Variants in RBFOX3 observed in about 807,000 individuals in gnomAD.
RBFOX3 encodes the protein RNA binding fox-1 homolog 3.
In RBFOX3, 17 loss-of-function variants were observed where a neutral mutation model predicts 48.7. The observed-to-expected ratio is 0.35, with a 90% confidence interval of 0.24 to 0.52. RBFOX3 has a LOEUF of 0.52. Ranked by LOEUF, RBFOX3 falls within the 20% of genes least tolerant of loss-of-function variation. The pLI is 0.94. For synonymous variants in RBFOX3, 212 were observed against 209.5 expected (o/e 1.01, Z -0.10); for missense variants, 382 against 497.5 (o/e 0.77, Z 2.21).
intron 1 of RBFOX3, among the ~76,000 whole-genome samples, chr17:79,540,960 G>A (rs2089607169): frequency 6.6e-6 from 1 of 152,094 alleles, no homozygotes; most frequent in Non-Finnish European, 1.5e-5. Context: ...AGGCCTGGGG[G>A]GATCTGCAGG....
intron 1 of RBFOX3, among the ~76,000 whole-genome samples, chr17:79,548,650 C>T (rs1429776754): frequency 6.6e-6 from 1 of 152,220 alleles, no homozygotes; most frequent in Non-Finnish European, 1.5e-5. Context: ...AGGGGACATT[C>T]CAGCCTGTCC....
intron 2 of RBFOX3, among the ~76,000 whole-genome samples, chr17:79,340,382 C>T (rs550917165): frequency 1.3e-5 from 2 of 152,262 alleles, no homozygotes; most frequent in African/African-American, 4.8e-5. Context: ...CAGCTGCCTT[C>T]CGCAAGCCCC....
At chr17:79,356,372 T>TTTTTTTTTTTTG (rs2085093091) in intron 2 of RBFOX3, among the ~76,000 whole-genome samples, 1 of 73,940 alleles carries the variant, frequency 1.4e-5, no homozygotes. Context: ...TTTTTTTTTT[T>TTTTTTTTTTTTG]TTTTTTTTTT....
At chr17:79,452,560 T>C (rs1163592323) in intron 2 of RBFOX3, among the ~76,000 whole-genome samples, 1 of 151,952 alleles carries the variant, frequency 6.6e-6, no homozygotes, top group Non-Finnish European at 1.5e-5. Flanking sequence ...AATGGGTCAT[T>C]AAAGATCACC....
chr17:79,388,086 A>C (rs1428255215), intron 2 of RBFOX3, among the ~76,000 whole-genome samples: 1 of 151,682 alleles, frequency 6.6e-6, no homozygotes, highest in Non-Finnish European at 1.5e-5. Flanking sequence ...CTACGTGTGC[A>C]TGTGTGTGCA....
intron 1 of RBFOX3, among the ~76,000 whole-genome samples, chr17:79,507,486 T>C (rs1031283138): frequency 4.1e-4 from 63 of 152,176 alleles, no homozygotes; most frequent in African/African-American, 1.3e-3. Context: ...TGGGTTCTCG[T>C]CAACTCCATT....
At chr17:79,526,771 T>C (rs1248540033) in intron 1 of RBFOX3, among the ~76,000 whole-genome samples, 1 of 152,234 alleles carries the variant, frequency 6.6e-6, no homozygotes, top group Non-Finnish European at 1.5e-5. Context: ...CCTCATTCTC[T>C]GCAGAGAGTT....
rs1203415021 is a variant in RBFOX3, at chr17:79,479,174, T to G, written c.-175+3280A>C. Among the ~76,000 whole-genome samples the G allele has an allele frequency of 2.6e-5, 4 of 152,206 alleles. No homozygotes were observed. Among genetic ancestry groups the G allele is most frequent in the East Asian group, 3.9e-4 (2 of 5,176 alleles). On this transcript the variant is annotated intron_variant, in intron 2 of 14. Transcript: ENST00000693108. This position sits in a 1 kb window ranked among gnomAD's most constrained non-coding sequence, Gnocchi z 5.1. ...TAGGAAGCCCCTTCCTCTAGTCACA[T>G]TCCTTTGGGCCATGGACGGCATCCA...
intron 4 of RBFOX3, among the ~76,000 whole-genome samples, chr17:79,159,728 T>TAC (rs956517540): frequency 6.9e-6 from 1 of 145,048 alleles, no homozygotes; most frequent in South Asian, 2.2e-4. Flanking sequence ...ACCCATCACT[T>TAC]ACACACACAC....
intron 1 of RBFOX3, among the ~76,000 whole-genome samples, chr17:79,542,531 C>A (rs2089864780): frequency 6.6e-6 from 1 of 152,224 alleles, no homozygotes. Flanking sequence ...CGCCTGTAAT[C>A]CCAGCACTCT....
intron 4 of RBFOX3, among the ~76,000 whole-genome samples, chr17:79,188,783 T>A (rs1412397556): frequency 6.6e-6 from 1 of 152,194 alleles, no homozygotes; most frequent in Non-Finnish European, 1.5e-5. Flanking sequence ...AAAAGGAACA[T>A]CTGAAAGCAG....
rs1002376132 is a variant in RBFOX3, at chr17:79,252,505, AGTTCGGG to A, written c.-73-16707_-73-16701del. Among the ~76,000 whole-genome samples, 20 of 152,096 alleles carry A rather than the reference AGTTCGGG, an allele frequency of 1.3e-4. No individual in the cohort carries two copies. The highest frequency in any genetic ancestry group is 2.8e-4 in the Non-Finnish European group (19 of 68,016). On this transcript the variant is annotated intron_variant, in intron 3 of 14. Transcript: ENST00000693108. The surrounding 1 kb of genome is among the most constrained non-coding windows in gnomAD (Gnocchi z 4.0). ...CATTGACTGTCAGTTTGACCCAAGG[AGTTCGGG>A]GGCCTCTAGAGGCTGGAACAGGGAG...
chr17:79,133,588 CT>C (rs1383657755), intron 4 of RBFOX3, among the ~76,000 whole-genome samples: 1 of 152,206 alleles, frequency 6.6e-6, no homozygotes, highest in African/African-American at 2.4e-5. Context: ...CAGGCTACCC[CT>C]ACCCAGCTGT....
At chr17:79,393,843 C>T (rs1032267390) in intron 2 of RBFOX3, among the ~76,000 whole-genome samples, 1 of 151,402 alleles carries the variant, frequency 6.6e-6, no homozygotes, top group African/African-American at 2.4e-5. Flanking sequence ...CTGGTCATCA[C>T]ACACATCATC....
chr17:79,284,578 C>G (rs2071414884), intron 3 of RBFOX3, among the ~76,000 whole-genome samples: 1 of 138,544 alleles, frequency 7.2e-6, no homozygotes, highest in Non-Finnish European at 1.5e-5. Context: ...GCTCTGTCAC[C>G]CAGCAGGCTA....
chr17:79,489,877 C>T (rs2080242386), intron 1 of RBFOX3, among the ~76,000 whole-genome samples: 1 of 152,214 alleles, frequency 6.6e-6, no homozygotes, highest in Admixed American at 6.5e-5. Context: ...TCCTCAGCCT[C>T]TGTACCCCGC....
At chr17:79,379,945 C>G (rs1337948370) in intron 2 of RBFOX3, among the ~76,000 whole-genome samples, 1 of 152,200 alleles carries the variant, frequency 6.6e-6, no homozygotes, top group East Asian at 1.9e-4. Flanking sequence ...CTCCCGCACC[C>G]TCCTTGGTAC....
At chr17:79,115,205 G>A (rs1254607317) in intron 5 of RBFOX3, among the ~76,000 whole-genome samples, 1 of 152,240 alleles carries the variant, frequency 6.6e-6, no homozygotes, top group Non-Finnish European at 1.5e-5. Flanking sequence ...CCAGGCGGCT[G>A]GAGGACGGTG....
chr17:79,663,104 A>G, the RBFOX3 span, among the ~76,000 whole-genome samples: 1 of 152,188 alleles, frequency 6.6e-6, no homozygotes, highest in African/African-American at 2.4e-5. Context: ...ATTAGCCACT[A>G]ATTAGTCTAA....
Sources: allele counts gnomAD v4.1 joint callset (sites outside exome capture counted in the v4.1 genomes callset), GRCh38; gene constraint gnomAD v4.1.1; non-coding constraint Gnocchi (gnomAD v3.1); transcripts MANE v1.5; gene names NCBI Gene and HGNC (gene_info 2026-07-23, HGNC 2026-07-21).